Variants in ADAM19 observed in about 807,000 individuals in gnomAD.
ADAM19 encodes ADAM metallopeptidase domain 19, also known as disintegrin and metalloproteinase domain-containing protein 19.
A neutral mutation model predicts 114.7 loss-of-function variants in ADAM19; 65 were observed. The observed-to-expected ratio is 0.57, with a 90% CI of 0.46 to 0.70. The LOEUF (loss-of-function observed/expected upper bound fraction) is 0.70. Ranked by LOEUF, ADAM19 falls within the 30% of genes least tolerant of loss-of-function variation. The pLI is 0.00. For missense variants in ADAM19, 1,063 were observed against 1,204.7 expected (o/e 0.88, Z 1.74); for synonymous variants, 466 against 460.5 (o/e 1.01, Z -0.15).
chr5:157,533,014 C>G (rs1756667583), intron 4 of ADAM19, among the ~76,000 whole-genome samples: 1 of 152,172 alleles, frequency 6.6e-6, no homozygotes, highest in East Asian at 1.9e-4. Flanking sequence ...ATGAAATTCT[C>G]CTTTATCAAA....
At position 157,493,131 on chromosome 5, in the gene ADAM19, G is replaced by T. The variant is rs774054863; in HGVS notation, c.1750C>A (p.Pro584Thr). Residue 584 changes from proline to threonine, a missense_variant, in exon 16 of 23, where the codon CCC (proline) becomes ACC (threonine). Physicochemically the swap from Pro to Thr is conservative, Grantham distance 38. Around this residue, in one of 3 missense-constraint regions of ADAM19, gnomAD observed 424 missense variants for 445.5 expected, o/e 0.95. Coordinates refer to ENST00000257527, the MANE Select transcript of ADAM19 (RefSeq NM_033274.5). ...ATGGGCACCGCGTTGGACTCCAGGG[G>T]CCGGGCCTCAGAGCTCTGACACTGG... ...KIQCQSSEAR[P>T]LESNAVPIDT... 6.2e-7 allele frequency: 1 copy of T among 1,614,200 alleles called. No individual in the cohort carries two copies. Among genetic ancestry groups the T allele is most frequent in the Non-Finnish European group, 8.5e-7 (1 of 1,180,020 alleles).
In ADAM19 at chr5:157,572,294, T is replaced by C. The variant is rs201471658; in HGVS notation, c.95-1314A>G. 6.8e-5 allele frequency: 31 copies of C among 456,088 alleles called. No homozygotes were observed. In the Middle Eastern group the frequency reaches 9.7e-4, roughly 14 times the overall value. 28.3% of individuals were successfully genotyped at this position (456,088 alleles called of 1,614,324 possible). ...CTAGAGACTGGGAGGAGTCCTGTTT[T>C]GCAAGAAAGAGAATTTAAACTATAG... is the stretch of plus-strand genomic sequence containing the variant. On this transcript the variant is annotated intron_variant, in intron 1 of 22. Coordinates refer to ENST00000257527, the MANE Select transcript of ADAM19 (RefSeq NM_033274.5).
chr5:157,489,456 G>C (rs1203197543), intron 19 of ADAM19, among the ~76,000 whole-genome samples: 1 of 152,176 alleles, frequency 6.6e-6, no homozygotes, highest in Non-Finnish European at 1.5e-5. Flanking sequence ...CCCTTCCCCT[G>C]TGAGGAGACA....
Position 157,477,517 on chromosome 5 carries a change from T to G in ADAM19, c.*3432A>C. ...ATCCCAGACACATACAAACGCACAG[T>G]GGACGGTGTGAGAGGACGCGTTGGG... is the stretch of plus-strand genomic sequence containing the variant. On this transcript the variant is annotated 3_prime_UTR_variant, in exon 23 of 23. Coordinates refer to ENST00000257527, the MANE Select transcript of ADAM19 (RefSeq NM_033274.5). 6.1e-6 allele frequency: 7 copies of G among 1,138,370 alleles called. No individual in the cohort carries two copies. Among genetic ancestry groups the G allele is most frequent in the Non-Finnish European group, 7.7e-6 (7 of 911,524 alleles). The allele number at this position is 1,138,370 out of a possible 1,614,324, so 70.5% of individuals were successfully genotyped here.
At chr5:157,538,364 A>G (rs976590847) in intron 3 of ADAM19, among the ~76,000 whole-genome samples, 3 of 152,124 alleles carry the variant, frequency 2.0e-5, no homozygotes, top group African/African-American at 7.2e-5. Flanking sequence ...CCAGCACTGG[A>G]TCTACCAATT....
intron 1 of ADAM19, among the ~76,000 whole-genome samples, chr5:157,575,109 G>A (rs766069605): frequency 4.6e-5 from 7 of 152,204 alleles, no homozygotes; most frequent in Non-Finnish European, 1.0e-4. Context: ...AGTCTGCCGC[G>A]GGCATTTTAT....
chr5:157,571,730 T>G (rs1264955313), intron 1 of ADAM19, among the ~76,000 whole-genome samples: 2 of 152,192 alleles, frequency 1.3e-5, no homozygotes, highest in East Asian at 3.9e-4. Context: ...GCTGGAGCCC[T>G]GGTGAGAGAT....
chr5:157,551,412 C>CAA (rs58612508), intron 3 of ADAM19, among the ~76,000 whole-genome samples: 2,972 of 117,756 alleles, frequency 0.025, 55 homozygotes, highest in African/African-American at 0.051. Flanking sequence ...CCCCCAACCC[C>CAA]AAAAAAAAAA....
intron 7 of ADAM19, among the ~76,000 whole-genome samples, chr5:157,516,583 C>A (rs917343726): frequency 6.6e-6 from 1 of 152,174 alleles, no homozygotes; most frequent in Non-Finnish European, 1.5e-5. Flanking sequence ...GGGAGAAACA[C>A]CCCACCTTTA....
chr5:157,511,831 G>C (rs769012099), intron 8 of ADAM19, among the ~76,000 whole-genome samples: 1 of 152,190 alleles, frequency 6.6e-6, no homozygotes. Context: ...CGCGAGGAGA[G>C]AGCCAAGACG....
chr5:157,540,347 T>A (rs1203610500), intron 3 of ADAM19, among the ~76,000 whole-genome samples: 1 of 152,318 alleles, frequency 6.6e-6, no homozygotes, highest in East Asian at 1.9e-4. Flanking sequence ...GTACAGCTGG[T>A]CAGGAGTTCA....
rs956122403 is a variant in ADAM19, at chr5:157,478,471, T to C, written c.*2478A>G. ...TCACTATTCCCATAAGGCCCCTTCC[T>C]CTCCCTTTTGCAATATTCCCTTTCC... On this transcript the variant is annotated 3_prime_UTR_variant, in exon 23 of 23. Coordinates refer to ENST00000257527, the MANE Select transcript of ADAM19 (RefSeq NM_033274.5). The C allele has an allele frequency of 2.8e-6, 2 of 724,314 alleles. No homozygotes were observed. Among genetic ancestry groups the C allele is most frequent in the African/African-American group, 1.9e-5 (1 of 51,946 alleles). The allele number at this position is 724,314 out of a possible 1,614,324, so 44.9% of individuals were successfully genotyped here.
At chr5:157,544,125 G>T (rs1057045755) in intron 3 of ADAM19, among the ~76,000 whole-genome samples, 1 of 152,194 alleles carries the variant, frequency 6.6e-6, no homozygotes, top group African/African-American at 2.4e-5. Context: ...ACAGAAAGGC[G>T]AAGGAAGGGG....
intron 3 of ADAM19, among the ~76,000 whole-genome samples, chr5:157,552,860 A>G (rs1057264740): frequency 6.6e-6 from 1 of 152,212 alleles, no homozygotes; most frequent in African/African-American, 2.4e-5. Context: ...GCCATAAAAA[A>G]GAATGAGCTC....
intron 5 of ADAM19, among the ~76,000 whole-genome samples, chr5:157,526,887 C>T (rs1405171639): frequency 6.6e-6 from 1 of 152,152 alleles, no homozygotes; most frequent in East Asian, 1.9e-4. Flanking sequence ...TCCCAAAGTG[C>T]TGGAATTACA....
chr5:157,500,247 A>C (rs1400941703), intron 12 of ADAM19, among the ~76,000 whole-genome samples: 2 of 151,080 alleles, frequency 1.3e-5, no homozygotes, highest in African/African-American at 4.9e-5. Flanking sequence ...AGCAATTCTC[A>C]TGCCACAGCC....
At chr5:157,544,529 G>A (rs1031756393) in intron 3 of ADAM19, among the ~76,000 whole-genome samples, 15 of 152,136 alleles carry the variant, frequency 9.9e-5, no homozygotes, top group African/African-American at 3.4e-4. Flanking sequence ...TCCTCTTCAG[G>A]CCTCCCTCGT....
chr5:157,481,736 C>A (rs929571343), intron 22 of ADAM19, 55 bp downstream of exon 22: 1 of 1,552,410 alleles, frequency 6.4e-7, no homozygotes, highest in Non-Finnish European at 8.7e-7. Flanking sequence ...CTACACCTGC[C>A]CCCCTGGAGC....
chr5:157,507,197 T>G (rs1755772445), intron 9 of ADAM19, 57 bp from the exon 10 acceptor site: 1 of 1,555,976 alleles, frequency 6.4e-7, no homozygotes, highest in Admixed American at 1.7e-5. Flanking sequence ...GCTGTTCCAA[T>G]GTGCCTGGGA....
Sources: allele counts gnomAD v4.1 joint callset (sites outside exome capture counted in the v4.1 genomes callset), GRCh38; gene constraint gnomAD v4.1.1; regional missense constraint gnomAD v4.1.1; transcripts MANE v1.5; gene names NCBI Gene and HGNC (gene_info 2026-07-23, HGNC 2026-07-21).